The following FREM1 variants were observed in gnomAD, a reference collection of about 807,000 sequenced individuals.
FREM1 encodes FRAS1 related extracellular matrix 1.
In FREM1, 220 loss-of-function variants were observed where a neutral mutation model predicts 210.1. That is an observed-to-expected ratio of 1.05 (90% CI 0.94 to 1.17). The LOEUF is 1.17. Among genes scored for constraint, FREM1 ranks in the 50% most tolerant of loss-of-function variants. The pLI is 0.00. For missense variants in FREM1, 3,454 were observed against 2,675.5 expected (o/e 1.29, Z -6.42); for synonymous variants, 1,189 against 980.2 (o/e 1.21, Z -3.98).
At position 14,747,427 on chromosome 9, in the gene FREM1, T is replaced by A. The variant is rs1228356013; in HGVS notation, c.5846A>T (p.Tyr1949Phe). Residue 1949 changes from tyrosine to phenylalanine, a missense_variant and splice_region_variant, in exon 33 of 37, where the codon TAT becomes TTT. By Grantham distance (22) the Tyr-to-Phe change is conservative. Transcript: ENST00000380880. ...CAGTTTCAAGGAAACTATCCCATGA[T>A]ACTTGAGGAAACCAACAATCAACAA... ...YRNGTDIIYNYHGIVSLKLED... is the reference protein window; with the variant it reads ...YRNGTDIIYNFHGIVSLKLED... 6.2e-7 allele frequency: 1 copy of A among 1,612,242 alleles called. No individual in the cohort carries two copies. The highest frequency in any genetic ancestry group is 8.5e-7 in the Non-Finnish European group (1 of 1,179,262).
intron 1 of FREM1, among the ~76,000 whole-genome samples, chr9:14,891,869 T>C (rs145230184): frequency 3.9e-5 from 6 of 152,302 alleles, no homozygotes; most frequent in Admixed American, 6.5e-5. Context: ...AAAAGTTCAA[T>C]AAGAGGTAAC....
At chr9:14,739,080 G>C (rs1840955454) in intron 36 of FREM1, among the ~76,000 whole-genome samples, 1 of 150,852 alleles carries the variant, frequency 6.6e-6, no homozygotes. Context: ...AGAAAAGAGG[G>C]AATAAAATTA....
chr9:14,758,173 A>G (rs557956685), intron 28 of FREM1, among the ~76,000 whole-genome samples: 27 of 152,294 alleles, frequency 1.8e-4, no homozygotes, highest in African/African-American at 5.8e-4. Context: ...GTAAGGCTGC[A>G]GGTTGTGCTC....
In FREM1 at chr9:14,864,976, ATC is replaced by A. The variant is rs546764013; in HGVS notation, c.235-1075_235-1074del. ...GACAGTCTGCTTTGTTAAAAGAAAC[ATC>A]TGTTTTATGTTTCATAATATGTTTT... is the stretch of plus-strand genomic sequence containing the variant. On this transcript the variant is annotated intron_variant, in intron 2 of 36. Transcript: ENST00000380880. 1.1e-3 allele frequency among the ~76,000 whole-genome samples: 162 copies of A among 152,342 alleles called. 1 individual carries two copies. Among genetic ancestry groups the A allele is most frequent in the Admixed American group, 2.8e-3 (43 of 15,296 alleles).
intron 1 of FREM1, among the ~76,000 whole-genome samples, chr9:14,891,884 A>T (rs933634092): frequency 6.6e-6 from 1 of 152,212 alleles, no homozygotes; most frequent in Non-Finnish European, 1.5e-5. Context: ...GGTAACTTTA[A>T]TCTTTAAGAG....
intron 2 of FREM1, among the ~76,000 whole-genome samples, chr9:14,864,690 C>CAGAT (rs1196414734): frequency 1.3e-5 from 2 of 152,306 alleles, no homozygotes; most frequent in Admixed American, 1.3e-4. Flanking sequence ...TCATTCTGCC[C>CAGAT]AATCTGACTC....
intron 1 of FREM1, among the ~76,000 whole-genome samples, chr9:14,909,471 C>T (rs556127962): frequency 6.6e-6 from 1 of 152,298 alleles, no homozygotes; most frequent in East Asian, 1.9e-4. Flanking sequence ...TATAACTAAA[C>T]TTAAGCAAAG....
chr9:14,823,064 A>G (rs1013751281), intron 13 of FREM1, 96 bp downstream of exon 13: 2 of 914,294 alleles, frequency 2.2e-6, no homozygotes, highest in Admixed American at 6.2e-5. Flanking sequence ...TAAGTTTAAA[A>G]AACTAGCCTA....
intron 10 of FREM1, among the ~76,000 whole-genome samples, chr9:14,834,840 T>G (rs1208994215): frequency 6.6e-6 from 1 of 152,208 alleles, no homozygotes; most frequent in Non-Finnish European, 1.5e-5. Flanking sequence ...CAATCATAAT[T>G]AAGGGTAAAG....
intron 21 of FREM1, among the ~76,000 whole-genome samples, chr9:14,796,906 T>C (rs188136817): frequency 7.2e-5 from 11 of 152,312 alleles, no homozygotes; most frequent in Admixed American, 6.5e-4. Flanking sequence ...TACAGGGAGA[T>C]ACTGAGAAAG....
At chr9:14,886,384 CAAAA>C (rs60702421) in intron 1 of FREM1, among the ~76,000 whole-genome samples, 28 of 59,810 alleles carry the variant, frequency 4.7e-4, no homozygotes, top group African/African-American at 1.5e-3. Context: ...GACTCCGACT[CAAAA>C]AAAAAAAAAA....
chr9:14,781,080 A>C (rs1849577983), intron 24 of FREM1, among the ~76,000 whole-genome samples: 1 of 152,198 alleles, frequency 6.6e-6, no homozygotes, highest in African/African-American at 2.4e-5. Context: ...AATGGAAAGA[A>C]CCTTCTACTG....
chr9:14,807,908 A>G, intron 17 of FREM1, 32 bp downstream of exon 17: 2 of 1,511,850 alleles, frequency 1.3e-6, no homozygotes, highest in Non-Finnish European at 1.8e-6. Context: ...TAGGTCAGAC[A>G]ATAGTACTGG....
In FREM1 at chr9:14,909,928, C is replaced by T. The variant is rs1489256096; in HGVS notation, c.-282G>A. 4 of 152,184 alleles carry T rather than the reference C, an allele frequency of 2.6e-5. No individual in the cohort carries two copies. The highest frequency in any genetic ancestry group is 3.8e-4 in the East Asian group (2 of 5,198). 9.4% of individuals were successfully genotyped at this position (152,184 alleles called of 1,614,324 possible). A position where few individuals can be genotyped will look rare whatever the true frequency, so the allele number is the denominator to read the frequency against. ...CAGATACTTACAGGTAGTGGTTTTC[C>T]TTTCCAAGACAAAAAGTTAGAAACC... On this transcript the variant is annotated 5_prime_UTR_variant, in exon 1 of 37. Coordinates refer to ENST00000380880, the MANE Select transcript of FREM1 (RefSeq NM_001379081.2).
intron 24 of FREM1, among the ~76,000 whole-genome samples, chr9:14,776,567 C>T (rs74335294): frequency 0.039 from 5,947 of 152,156 alleles, 247 homozygotes; most frequent in African/African-American, 0.097. Flanking sequence ...AGAGTATACC[C>T]CCTTTATTTA....
intron 1 of FREM1, among the ~76,000 whole-genome samples, chr9:14,870,923 C>T (rs539023373): frequency 3.9e-4 from 58 of 150,366 alleles, no homozygotes; most frequent in African/African-American, 1.2e-3. Flanking sequence ...TTTGTTCCTG[C>T]GATAGTTTAC....
intron 17 of FREM1, among the ~76,000 whole-genome samples, chr9:14,807,674 G>GACAC (rs34499233): frequency 0.094 from 14,011 of 149,658 alleles, 804 homozygotes; most frequent in South Asian, 0.18. Context: ...CACACACAAA[G>GACAC]ACACACACAC....
intron 4 of FREM1, among the ~76,000 whole-genome samples, chr9:14,858,078 G>C (rs961053944): frequency 8.5e-5 from 13 of 152,136 alleles, no homozygotes; most frequent in Non-Finnish European, 1.5e-4. Flanking sequence ...TCTAGCTCCA[G>C]TCTTTCCTTT....
chr9:14,876,053 T>A (rs1205531603), intron 1 of FREM1, among the ~76,000 whole-genome samples: 1 of 151,952 alleles, frequency 6.6e-6, no homozygotes, highest in Admixed American at 6.6e-5. Flanking sequence ...CTCAGAGGAG[T>A]ACCCGGCCGT....
Sources: allele counts gnomAD v4.1 joint callset (sites outside exome capture counted in the v4.1 genomes callset), GRCh38; gene constraint gnomAD v4.1.1; transcripts MANE v1.5; gene names NCBI Gene and HGNC (gene_info 2026-07-23, HGNC 2026-07-21).